DNAH12: variants seen among roughly 807,000 people sequenced by gnomAD.
DNAH12 encodes the protein axonemal beta dynein heavy chain 12.
Under a neutral mutation model 371.5 loss-of-function variants are expected in DNAH12, and 285 were observed. The ratio of observed to expected loss-of-function variants is 0.77; its 90% CI spans 0.70 to 0.85. DNAH12 has a LOEUF of 0.85. Among genes scored for constraint, DNAH12 ranks in the 40% least tolerant of loss-of-function variants. DNAH12 has a pLI of 0.00. For missense variants in DNAH12, 3,611 were observed against 3,689.4 expected, an observed-to-expected ratio of 0.98 and a Z score of 0.55; for synonymous variants, 1,200 against 1,213.0, an observed-to-expected ratio of 0.99 and a Z score of 0.22.
chr3:57,483,114 A>G (rs949823301), intron 13 of DNAH12, among the ~76,000 whole-genome samples: 7 of 129,214 alleles, frequency 5.4e-5, no homozygotes, highest in African/African-American at 2.0e-4. Flanking sequence ...AAAAAAAAAA[A>G]AGAAATTCCA....
intron 40 of DNAH12, among the ~76,000 whole-genome samples, chr3:57,407,776 C>A (rs1398256926): frequency 6.6e-6 from 1 of 152,134 alleles, no homozygotes; most frequent in Non-Finnish European, 1.5e-5. Context: ...TTGTCTGTTT[C>A]TACCCTTGTA....
chr3:57,365,433 G>A (rs958833427), intron 57 of DNAH12, among the ~76,000 whole-genome samples: 4 of 152,078 alleles, frequency 2.6e-5, no homozygotes, highest in Non-Finnish European at 5.9e-5. Context: ...ACAGGGTAGG[G>A]AACAACACAC....
intron 46 of DNAH12, among the ~76,000 whole-genome samples, 162 bp from the exon 47 acceptor site, chr3:57,386,765 A>G (rs1339019783): frequency 6.6e-6 from 1 of 152,246 alleles, no homozygotes; most frequent in East Asian, 1.9e-4. Context: ...TTACCACATT[A>G]TAATTTCTTG....
At chr3:57,335,572 T>A (rs1057187530) in intron 60 of DNAH12, among the ~76,000 whole-genome samples, 7 of 152,244 alleles carry the variant, frequency 4.6e-5, no homozygotes, top group Non-Finnish European at 8.8e-5. Flanking sequence ...AGGCTATAAA[T>A]CTGTACAGCA....
chr3:57,515,629 A>T (rs1247438741), intron 4 of DNAH12, among the ~76,000 whole-genome samples: 3 of 151,886 alleles, frequency 2.0e-5, no homozygotes, highest in Non-Finnish European at 2.9e-5. Flanking sequence ...ATTATTATTA[A>T]TAATAATAAT....
rs1033138635 is a variant in DNAH12 at position 57,369,797 on chromosome 3, T to C, written c.8760-1537A>G. 3.3e-5 allele frequency among the ~76,000 whole-genome samples: 5 copies of C among 152,348 alleles called. No homozygotes were observed. In the East Asian group the frequency reaches 9.6e-4, roughly 29 times the overall value. On this transcript the variant is annotated intron_variant, in intron 55 of 73. Transcript: ENST00000495027. ...ATTGGAAAAATACAGTAAGTGTTCA[T>C]TCTCTCACAAAATGTAACATCTATA...
chr3:57,395,766 G>A (rs918619382), intron 43 of DNAH12, among the ~76,000 whole-genome samples: 163 of 151,750 alleles, frequency 1.1e-3, no homozygotes, highest in African/African-American at 3.8e-3. Flanking sequence ...ACAACATAAT[G>A]AGAGCCTGTC....
At chr3:57,447,417 G>A (rs1441135531) in intron 25 of DNAH12, among the ~76,000 whole-genome samples, 1 of 152,074 alleles carries the variant, frequency 6.6e-6, no homozygotes, top group Non-Finnish European at 1.5e-5. Context: ...TGTTTCACGG[G>A]AGTTTCAAAT....
chr3:57,428,347 C>G (rs1251900017), intron 34 of DNAH12: 2 of 1,208,724 alleles, frequency 1.7e-6, no homozygotes, highest in Non-Finnish European at 1.1e-6. Flanking sequence ...ACTAAATGTA[C>G]ATTGAGTTTT....
At position 57,501,384 on chromosome 3, in the gene DNAH12, C is replaced by T. The variant is rs760007037; in HGVS notation, c.1272G>A (p.Gly424=). 3 of 1,591,854 alleles carry T rather than the reference C, an allele frequency of 1.9e-6. No homozygotes were observed. The highest frequency in any genetic ancestry group is 2.6e-6 in the Non-Finnish European group (3 of 1,174,038). ...AAGTCTCTATATTCTCAACTGCAGT[C>T]CCATCAAGGAGCCAATTATATTTTT... The part of the protein sequence containing the change: ...YVEKYNWLLD[G]TAVENIETFQ... Residue 424 remains glycine (G), a synonymous_variant, in exon 11 of 74, where the codon GGG becomes GGA. Transcript: ENST00000495027.
chr3:57,342,273 T>C (rs2062419385), intron 60 of DNAH12, among the ~76,000 whole-genome samples: 2 of 151,884 alleles, frequency 1.3e-5, no homozygotes, highest in East Asian at 1.9e-4. Context: ...AGTGGGATTA[T>C]ATCAAACTAA....
intron 25 of DNAH12, among the ~76,000 whole-genome samples, chr3:57,448,412 C>A (rs6445881): frequency 1.3e-5 from 2 of 150,582 alleles, no homozygotes; most frequent in Admixed American, 6.6e-5. Context: ...GACCTTCGCC[C>A]TGAGTGTTAA....
chr3:57,334,550 T>C lies in DNAH12; in HGVS notation c.9893A>G (p.His3298Arg), dbSNP rs1400365982. The change falls in exon 62 of 74, where the codon CAT becomes CGT. Residue 3298 changes from histidine to arginine, a missense_variant. His to Arg is a conservative substitution (Grantham distance 29, BLOSUM62 0). Around this residue, in one of 3 missense-constraint regions of DNAH12, gnomAD observed 2,266 missense variants for 2,236.9 expected, o/e 1.01. Transcript: ENST00000495027. ...CATTGGTGCTGGAAATTTAGCATTA[T>C]GTGGCTCTTTACTGTCATAGATTTC... Reference protein sequence around the residue: ...WREIYDSKEPHNAKFPAPMDK... With the variant: ...WREIYDSKEPRNAKFPAPMDK... The C allele has an allele frequency of 2.9e-5, 45 of 1,550,934 alleles. No individual in the cohort carries two copies. Among genetic ancestry groups the C allele is most frequent in the Non-Finnish European group, 3.6e-5 (41 of 1,146,888 alleles).
At chr3:57,489,179 A>C (rs1295658441) in intron 12 of DNAH12, among the ~76,000 whole-genome samples, 1 of 152,188 alleles carries the variant, frequency 6.6e-6, no homozygotes, top group African/African-American at 2.4e-5. Flanking sequence ...TACAATAAGT[A>C]AATATTGAGG....
At chr3:57,339,762 A>G (rs1553655477) in intron 60 of DNAH12, among the ~76,000 whole-genome samples, 2 of 152,168 alleles carry the variant, frequency 1.3e-5, no homozygotes, top group Non-Finnish European at 2.9e-5. Flanking sequence ...TGAGTGACCA[A>G]TTGATTAAAA....
chr3:57,443,185 C>T (rs1379209244), intron 29 of DNAH12, among the ~76,000 whole-genome samples: 1 of 152,198 alleles, frequency 6.6e-6, no homozygotes, highest in African/African-American at 2.4e-5. Context: ...TCTCGGCTCA[C>T]TGCAACCTCC....
At chr3:57,352,702 G>A (rs1553661032) in intron 59 of DNAH12, among the ~76,000 whole-genome samples, 1 of 151,962 alleles carries the variant, frequency 6.6e-6, no homozygotes, top group Non-Finnish European at 1.5e-5. Flanking sequence ...AAGGCTCTAT[G>A]GTAGGGAGGG....
intron 13 of DNAH12, among the ~76,000 whole-genome samples, chr3:57,477,555 C>G (rs565073646): frequency 1.3e-5 from 2 of 152,142 alleles, no homozygotes; most frequent in Admixed American, 6.6e-5. Context: ...ATGTCCCTGT[C>G]TGACAACTTT....
intron 69 of DNAH12, among the ~76,000 whole-genome samples, chr3:57,307,369 T>G (rs1410088619): frequency 1.3e-5 from 2 of 151,958 alleles, no homozygotes; most frequent in Admixed American, 1.3e-4. Context: ...CCACCCTAGC[T>G]CTCCCTGACT....
Sources: allele counts gnomAD v4.1 joint callset (sites outside exome capture counted in the v4.1 genomes callset), GRCh38; gene constraint gnomAD v4.1.1; regional missense constraint gnomAD v4.1.1; transcripts MANE v1.5; gene names NCBI Gene and HGNC (gene_info 2026-07-23, HGNC 2026-07-21).